MGAT4C: variants seen among roughly 807,000 people sequenced by gnomAD.
MGAT4C encodes alpha-1,3-mannosyl-glycoprotein 4-beta-N-acetylglucosaminyltransferase C.
MGAT4C carries 19 observed loss-of-function variants against 40.1 expected under a neutral mutation model. The ratio of observed to expected loss-of-function variants is 0.47; its 90% CI spans 0.33 to 0.70. The LOEUF (loss-of-function observed/expected upper bound fraction) is 0.70. Among genes scored for constraint, MGAT4C ranks in the 30% least tolerant of loss-of-function variants. The pLI, the probability that MGAT4C is intolerant of heterozygous loss-of-function variation, is 0.02. For synonymous variants in MGAT4C, 181 were observed against 187.1 expected, an observed-to-expected ratio of 0.97 and a Z score of 0.27; for missense variants, 491 against 563.2, an observed-to-expected ratio of 0.87 and a Z score of 1.30.
intron 1 of MGAT4C, chr12:86,068,061 T>A (rs903697985): frequency 2.0e-5 from 3 of 152,176 alleles, no homozygotes; most frequent in Admixed American, 1.3e-4. Flanking sequence ...AAATTTCAAA[T>A]TTGACATCCA....
At chr12:86,566,398 C>T (rs1960103251) in intron 2 of MGAT4C, among the ~76,000 whole-genome samples, 1 of 151,026 alleles carries the variant, frequency 6.6e-6, no homozygotes, top group South Asian at 2.1e-4. Flanking sequence ...GGTGGATGCT[C>T]CCTGCCCTTG....
intron 1 of MGAT4C, among the ~76,000 whole-genome samples, chr12:86,799,452 A>G (rs986834390): frequency 2.0e-5 from 3 of 151,844 alleles, no homozygotes; most frequent in African/African-American, 7.2e-5. Flanking sequence ...GGATACTGCA[A>G]AGGTTTTAGT....
At chr12:86,302,564 G>A (rs1381977673) in intron 4 of MGAT4C, among the ~76,000 whole-genome samples, 1 of 150,400 alleles carries the variant, frequency 6.6e-6, no homozygotes, top group African/African-American at 2.5e-5. Flanking sequence ...AAGTAGGTAA[G>A]ATTACAGGCA....
chr12:86,774,339 C>CTTTCTTTCTTTCTTTCTTTCTT (rs1261668084), intron 1 of MGAT4C, among the ~76,000 whole-genome samples: 1 of 71,102 alleles, frequency 1.4e-5, no homozygotes, highest in African/African-American at 4.6e-5. Context: ...TTCTTTCTTT[C>CTTTCTTTCTTTCTTTCTTTCTT]TGTCTCTCTC....
chr12:86,616,373 T>C (rs1962447323), intron 2 of MGAT4C, among the ~76,000 whole-genome samples: 1 of 152,112 alleles, frequency 6.6e-6, no homozygotes, highest in East Asian at 1.9e-4. Flanking sequence ...AATCAATCTT[T>C]TGTTAAAAGC....
At chr12:86,045,107 C>T (rs1054260269) in intron 2 of MGAT4C, among the ~76,000 whole-genome samples, 4 of 152,096 alleles carry the variant, frequency 2.6e-5, no homozygotes, top group African/African-American at 9.7e-5. Flanking sequence ...ACCCTCAATG[C>T]CTTCCCTCTG....
chr12:86,476,669 A>C (rs1372124832), intron 2 of MGAT4C, among the ~76,000 whole-genome samples: 2 of 152,170 alleles, frequency 1.3e-5, no homozygotes, highest in African/African-American at 4.8e-5. Context: ...AAAGACATGG[A>C]ATCAACCAAG....
chr12:86,417,053 T>C (rs1186244685), intron 3 of MGAT4C, among the ~76,000 whole-genome samples: 1 of 152,140 alleles, frequency 6.6e-6, no homozygotes, highest in Non-Finnish European at 1.5e-5. Flanking sequence ...ATTTATGGTA[T>C]GTTGTTACAA....
chr12:86,339,235 T>C (rs1335675162), intron 3 of MGAT4C, among the ~76,000 whole-genome samples: 1 of 152,156 alleles, frequency 6.6e-6, no homozygotes, highest in African/African-American at 2.4e-5. Context: ...CCAGAGTCTG[T>C]GCATTTAGCC....
intron 4 of MGAT4C, among the ~76,000 whole-genome samples, chr12:86,282,772 T>G (rs1953252246): frequency 6.6e-6 from 1 of 152,096 alleles, no homozygotes; most frequent in Admixed American, 6.6e-5. Flanking sequence ...TTTGCTTTGT[T>G]TTCGTTTTTA....
At chr12:86,768,440 A>G (rs565750661) in intron 1 of MGAT4C, among the ~76,000 whole-genome samples, 1,616 of 151,970 alleles carry the variant, frequency 0.011, 21 homozygotes, top group Non-Finnish European at 0.015. Flanking sequence ...TGGCCATACT[A>G]CCCAAGGTAA....
intron 1 of MGAT4C, among the ~76,000 whole-genome samples, chr12:86,086,891 T>C (rs764492052): frequency 6.6e-6 from 1 of 151,976 alleles, no homozygotes; most frequent in Non-Finnish European, 1.5e-5. Flanking sequence ...GTTTTTCTTT[T>C]AGCTCCCACA....
intron 2 of MGAT4C, among the ~76,000 whole-genome samples, chr12:86,630,262 T>C (rs1020364307): frequency 5.3e-5 from 8 of 152,064 alleles, no homozygotes; most frequent in African/African-American, 1.9e-4. Context: ...CAATAATTAG[T>C]AGCCTACCAA....
At chr12:86,445,132 A>T (rs1215724334) in intron 2 of MGAT4C, among the ~76,000 whole-genome samples, 1 of 152,158 alleles carries the variant, frequency 6.6e-6, no homozygotes, top group African/African-American at 2.4e-5. Flanking sequence ...AGTAGTATAT[A>T]CACGTGTCTA....
chr12:86,769,275 C>G (rs553926582), intron 1 of MGAT4C, among the ~76,000 whole-genome samples: 1 of 152,030 alleles, frequency 6.6e-6, no homozygotes, highest in African/African-American at 2.4e-5. Flanking sequence ...AAATGCTCAC[C>G]ATCACTGGCC....
chr12:86,093,355 AG>A (rs1873230920), intron 1 of MGAT4C, among the ~76,000 whole-genome samples: 1 of 152,108 alleles, frequency 6.6e-6, no homozygotes, highest in African/African-American at 2.4e-5. Flanking sequence ...CTCTTAACCC[AG>A]GATTCTATCT....
intron 4 of MGAT4C, among the ~76,000 whole-genome samples, chr12:86,281,421 T>G (rs1953215646): frequency 6.6e-6 from 1 of 152,106 alleles, no homozygotes; most frequent in Non-Finnish European, 1.5e-5. Context: ...TAGATATGGA[T>G]GTAGATAGAA....
chr12:85,988,714 T>G (rs546636350), intron 3 of MGAT4C, among the ~76,000 whole-genome samples: 9 of 152,018 alleles, frequency 5.9e-5, no homozygotes, highest in Admixed American at 2.0e-4. Flanking sequence ...AACTAACATA[T>G]TAATTTTTCA....
At chr12:86,200,132 T>A (rs1434551590) in intron 1 of MGAT4C, among the ~76,000 whole-genome samples, 885 of 84,796 alleles carry the variant, frequency 0.01, 7 homozygotes, top group Non-Finnish European at 0.02. Flanking sequence ...TATTTGTTTT[T>A]TTTTTTTTTT....
Sources: gnomAD v4.1 joint callset for allele counts (sites outside exome capture counted in the v4.1 genomes callset) on GRCh38, gnomAD v4.1.1 for gene constraint, MANE v1.5 for transcripts, NCBI Gene and HGNC (gene_info 2026-07-23, HGNC 2026-07-21) for gene names.